Variants in NLRP1 observed in about 807,000 individuals in gnomAD.
The protein encoded by NLRP1 is NLR family pyrin domain containing 1, also known as NACHT, LRR and PYD domains-containing protein 1.
NLRP1 carries 94 observed loss-of-function variants against 136.7 expected under a neutral mutation model. The observed-to-expected ratio is 0.69, with a 90% confidence interval of 0.58 to 0.82. The LOEUF is 0.82. NLRP1 is among the 40% of genes least tolerant of loss of function. The pLI is 0.00. For missense variants in NLRP1, 1,575 were observed against 1,802.7 expected, an observed-to-expected ratio of 0.87 and a Z score of 2.29; for synonymous variants, 690 against 725.1, an observed-to-expected ratio of 0.95 and a Z score of 0.78.
intron 15 of NLRP1, chr17:5,502,002 A>G (rs1025970746): frequency 1.0e-4 from 80 of 779,586 alleles, no homozygotes; most frequent in Middle Eastern, 7.2e-4. Flanking sequence ...TGCCTCCTGC[A>G]AGTGAAAGGC....
intron 12 of NLRP1, among the ~76,000 whole-genome samples, chr17:5,525,823 C>T (rs1274834962): frequency 2.0e-5 from 3 of 152,110 alleles, no homozygotes; most frequent in African/African-American, 4.8e-5. Context: ...TCTATAAAGC[C>T]CTGGGGATAA....
In NLRP1 at chr17:5,532,835, T is replaced by C. The variant is rs762611914; in HGVS notation, c.3283A>G (p.Lys1095Glu). Residue 1095 changes from lysine (K) to glutamate (E), a missense_variant, in exon 11 of 17, where the codon AAG (lysine) becomes GAG (glutamate). Transcript: ENST00000572272. ...CCCCTCACTCACCGGTACAAGTTCT[T>C]TTCTTTGTCAACTACCTCAGTAGCC... ...PVATEVVDKE[K>E]NLYRVHFPVA... 9 of 1,604,910 alleles carry C rather than the reference T, an allele frequency of 5.6e-6. No individual in the cohort carries two copies. In the South Asian group the frequency reaches 7.8e-5, roughly 14 times the overall value.
chr17:5,550,894 A>G (rs1913268020), intron 5 of NLRP1, among the ~76,000 whole-genome samples: 1 of 152,042 alleles, frequency 6.6e-6, no homozygotes, highest in Admixed American at 6.5e-5. Context: ...TTTTAGGTTC[A>G]CAGTAAAATT....
In NLRP1 at chr17:5,539,945, G is replaced by A. The variant is rs373097313; in HGVS notation, c.2700-360C>T. Among the ~76,000 whole-genome samples, 56 of 152,252 alleles carry A rather than the reference G, an allele frequency of 3.7e-4. 1 individual carries two copies. The highest frequency in any genetic ancestry group is 1.3e-3 in the African/African-American group (54 of 41,524). On this transcript the variant is annotated intron_variant, in intron 6 of 16. Transcript: ENST00000572272. The stretch of plus-strand genomic sequence containing the variant: ...CTTTTGAGACGAGTTCTCACTCTGT[G>A]TCCCAGGCCTCCCAAAGTACTGGGA...
In NLRP1 at chr17:5,519,848, CTTTTTTTTTTT is replaced by C. The variant is rs755028729; in HGVS notation, c.3915+1022_3915+1032del. On this transcript the variant is annotated intron_variant, in intron 14 of 16. Coordinates refer to ENST00000572272, the MANE Select transcript of NLRP1 (RefSeq NM_033004.4). ...GCATCTTTATGAAAGTAAATCAGGT[CTTTTTTTTTTT>C]TTTTTTTTTTTTTTTGAGACAGAGT... Among the ~76,000 whole-genome samples the C allele has an allele frequency of 1.0e-4, 9 of 90,252 alleles. 1 individual carries two copies. Among genetic ancestry groups the C allele is most frequent in the East Asian group, 8.7e-4 (3 of 3,456 alleles). 59.2% of individuals were successfully genotyped at this position (90,252 alleles called of 152,430 possible). A position where few individuals can be genotyped will look rare whatever the true frequency, so the allele number is the denominator to read the frequency against.
Position 5,558,674 on chromosome 17 carries a change from T to C in NLRP1, c.2022A>G (p.Leu674=), listed in dbSNP as rs139995249. Reference sequence around the variant, plus strand: ...CCCCCTCATCACTTAACAGGCCCAATAGGAAACGTGTGGTTGATGCCCCAA... The same window carrying C: ...CCCCCTCATCACTTAACAGGCCCAACAGGAAACGTGTGGTTGATGCCCCAA... ...GLFGASTTRF[L]LGLLSDEGER... The change falls in exon 4 of 17, where the codon CTA becomes CTG. Residue 674 remains leucine (L), a synonymous_variant. Coordinates refer to ENST00000572272, the MANE Select transcript of NLRP1 (RefSeq NM_033004.4). 11 of 1,613,934 alleles carry C rather than the reference T, an allele frequency of 6.8e-6. No homozygotes were observed. The African/African-American group carries it at 1.2e-4, about 18-fold the overall frequency.
intron 15 of NLRP1, chr17:5,501,962 T>C (rs1907110218): frequency 1.7e-6 from 2 of 1,199,388 alleles, no homozygotes; most frequent in Non-Finnish European, 2.5e-6. Context: ...TTGCAGCAAA[T>C]CCAACTCAAA....
chr17:5,563,561 A>T (rs1914993129), intron 3 of NLRP1, among the ~76,000 whole-genome samples: 1 of 152,226 alleles, frequency 6.6e-6, no homozygotes, highest in African/African-American at 2.4e-5. Flanking sequence ...AAATTAACTC[A>T]GTCAGACAAA....
In NLRP1 at chr17:5,537,168, G is replaced by A. The variant is rs1364867876; in HGVS notation, c.2871-228C>T. The stretch of plus-strand genomic sequence containing the variant: ...AGGGAATCGGGGAGACGTGGGCTGT[G>A]AGGCAGTCTCCAATGGAGGCCTCAG... On this transcript the variant is annotated intron_variant, in intron 7 of 16. Coordinates refer to ENST00000572272, the MANE Select transcript of NLRP1 (RefSeq NM_033004.4). This position sits in a 1 kb window ranked among gnomAD's most constrained non-coding sequence, Gnocchi z 4.5. 6.6e-6 allele frequency among the ~76,000 whole-genome samples: 1 copy of A among 152,248 alleles called. No homozygotes were observed. Among genetic ancestry groups the A allele is most frequent in the Admixed American group, 6.5e-5 (1 of 15,290 alleles).
At chr17:5,531,155 T>TATCTA (rs201477182) in intron 11 of NLRP1, among the ~76,000 whole-genome samples, 3,470 of 141,044 alleles carry the variant, frequency 0.025, 68 homozygotes, top group Admixed American at 0.039. Flanking sequence ...TCTATCTATC[T>TATCTA]ATCTATCTAA....
intron 5 of NLRP1, among the ~76,000 whole-genome samples, chr17:5,547,055 G>A (rs1457103722): frequency 6.6e-6 from 1 of 152,190 alleles, no homozygotes; most frequent in African/African-American, 2.4e-5. Flanking sequence ...TGCTAACTAT[G>A]TGAATTTGGC....
chr17:5,559,818 T>C lies in NLRP1; in HGVS notation c.878A>G (p.Asp293Gly). 6.2e-7 allele frequency: 1 copy of C among 1,614,262 alleles called. No individual in the cohort carries two copies. The highest frequency in any genetic ancestry group is 1.7e-5 in the Admixed American group (1 of 60,030). Residue 293 changes from aspartate (D) to glycine (G), a missense_variant, in exon 4 of 17, where the codon GAT becomes GGT. Coordinates refer to ENST00000572272, the MANE Select transcript of NLRP1 (RefSeq NM_033004.4). ...LLQRPHPRSQ[D>G]PLVKRSWPDY... ...AGGCCAGCTTCTCTTGACCAGGGGA[T>C]CTTGGCTTCTGGGGTGAGGTCTTTG...
chr17:5,508,771 G>A (rs1567625324), intron 15 of NLRP1, among the ~76,000 whole-genome samples: 1 of 152,192 alleles, frequency 6.6e-6, no homozygotes, highest in Non-Finnish European at 1.5e-5. Flanking sequence ...AAAACCCCAT[G>A]TACTAGGATG....
At position 5,577,139 on chromosome 17, in the gene NLRP1, A is replaced by C. The variant is rs375506274; in HGVS notation, c.652+4720T>G. Among the ~76,000 whole-genome samples the C allele has an allele frequency of 9.2e-5, 14 of 152,332 alleles. No homozygotes were observed. In the East Asian group the frequency reaches 2.3e-3, roughly 25 times the overall value. ...AAAATAATAAGAGCTATTTATGGCA[A>C]ACCGACAGCCAATATCATACTGAAT... On this transcript the variant is annotated intron_variant, in intron 3 of 16. Transcript: ENST00000572272.
In NLRP1 at chr17:5,504,627, T is replaced by TAGAATAGAA. The variant is rs56112426; in HGVS notation, c.4070-2756_4070-2755insTTCTATTCT. On this transcript the variant is annotated intron_variant, in intron 15 of 15. Transcript: ENST00000262467. The surrounding 1 kb of genome is among the most constrained non-coding windows in gnomAD (Gnocchi z 4.4). ...AGACTGAGACTCTGTCTCAAAAAAA[T>TAGAATAGAA]TAGAATAGAATAGAATAGAATAGAA... is the stretch of plus-strand genomic sequence containing the variant. 6.7e-6 allele frequency: 1 copy of TAGAATAGAA among 149,412 alleles called. No homozygotes were observed. The highest frequency in any genetic ancestry group is 2.5e-5 in the African/African-American group (1 of 40,228). 9.3% of individuals were successfully genotyped at this position (149,412 alleles called of 1,614,324 possible).
chr17:5,512,182 T>A, downstream of NLRP1: 1 of 1,151,560 alleles, frequency 8.7e-7, no homozygotes, highest in Non-Finnish European at 1.3e-6. Context: ...TTCAGGGCAA[T>A]CTTTCTTTAA....
chr17:5,517,647 A>G (rs541302684), intron 15 of NLRP1, 99 bp downstream of exon 15: 277 of 1,406,446 alleles, frequency 2.0e-4, no homozygotes, highest in Non-Finnish European at 2.4e-4. Flanking sequence ...CGGCCTCCCA[A>G]AGTTCTGGGA....
At chr17:5,547,276 T>C (rs539030934) in intron 5 of NLRP1, among the ~76,000 whole-genome samples, 1 of 152,082 alleles carries the variant, frequency 6.6e-6, no homozygotes, top group African/African-American at 2.4e-5. Flanking sequence ...CCTAAATACA[T>C]AGCACACATG....
At chr17:5,501,689 C>T (rs200027943) in exon 16 of NLRP1, 1 of 715,582 alleles carries the variant, frequency 1.4e-6, no homozygotes, top group Non-Finnish European at 2.5e-6. Context: ...TGATTAAGAA[C>T]AAATCCTTCA....
Sources: allele counts gnomAD v4.1 joint callset (sites outside exome capture counted in the v4.1 genomes callset), GRCh38; gene constraint gnomAD v4.1.1; non-coding constraint Gnocchi (gnomAD v3.1); transcripts MANE v1.5; gene names NCBI Gene and HGNC (gene_info 2026-07-23, HGNC 2026-07-21).